Variants in LDHC observed in about 807,000 individuals in gnomAD.
The protein encoded by LDHC is lactate dehydrogenase C.
LDHC carries 20 observed loss-of-function variants against 30.2 expected under a neutral mutation model. The observed-to-expected ratio is 0.66, with a 90% CI of 0.47 to 0.96. The LOEUF (loss-of-function observed/expected upper bound fraction) is 0.96. LDHC is among the 40% of genes least tolerant of loss of function. The probability of loss-of-function intolerance (pLI) is 0.00; values close to 1 mark genes in which losing one functional copy is unlikely to be tolerated. For missense variants in LDHC, 362 were observed against 394.9 expected, an observed-to-expected ratio of 0.92 and a Z score of 0.71; for synonymous variants, 139 against 132.7, an observed-to-expected ratio of 1.05 and a Z score of -0.32.
Position 18,415,296 on chromosome 11 carries a change from G to T in LDHC, c.239G>T (p.Gly80Val). The T allele has an allele frequency of 1.3e-6, 2 of 1,493,276 alleles. No homozygotes were observed. The highest frequency in any genetic ancestry group is 1.9e-6 in the Non-Finnish European group (2 of 1,077,760). 92.5% of individuals were successfully genotyped at this position (1,493,276 alleles called of 1,614,324 possible). The part of the protein sequence containing the change: ...LFFSTSKITS[G>V]KDYSVSANSR... The stretch of plus-strand genomic sequence containing the variant: ...TTTAGTACTTCAAAGATTACTTCTG[G>T]AAAAGGTTAATTTTAGTTTTATAAA... Residue 80 changes from glycine (G) to valine (V), a missense_variant, in exon 3 of 8, where the codon GGA (glycine) becomes GTA (valine). Gly to Val is a moderately radical substitution (Grantham distance 109). Coordinates refer to ENST00000541669, the MANE Select transcript of LDHC (RefSeq NM_017448.5).
chr11:18,412,831 T>C lies in LDHC; in HGVS notation c.114T>C (p.Ser38=). The change falls in exon 2 of 8, where the codon AGT becomes AGC. Residue 38 remains serine, a synonymous_variant. Coordinates refer to ENST00000541669, the MANE Select transcript of LDHC (RefSeq NM_017448.5). ...TGAVGMACAI[S]ILLKDLADEL... ...CCGTAGGCATGGCTTGTGCTATTAG[T>C]ATCTTACTGAAGGTGAGTGAGAAGC... 1 of 1,613,486 alleles carries C rather than the reference T, an allele frequency of 6.2e-7. No individual in the cohort carries two copies. Among genetic ancestry groups the C allele is most frequent in the Non-Finnish European group, 8.5e-7 (1 of 1,179,670 alleles).
intron 7 of LDHC, among the ~76,000 whole-genome samples, chr11:18,449,543 A>C (rs1257952380): frequency 6.6e-6 from 1 of 151,798 alleles, no homozygotes; most frequent in African/African-American, 2.4e-5. Flanking sequence ...ACAGTCTGAA[A>C]AGACAGTGGC....
intron 4 of LDHC, among the ~76,000 whole-genome samples, chr11:18,433,556 T>G (rs1337894759): frequency 6.6e-6 from 1 of 152,210 alleles, no homozygotes; most frequent in Non-Finnish European, 1.5e-5. Context: ...TCATATATGA[T>G]TCTTAGTTTC....
intron 2 of LDHC, among the ~76,000 whole-genome samples, chr11:18,414,760 G>A (rs1022591493): frequency 5.9e-5 from 9 of 152,210 alleles, no homozygotes; most frequent in South Asian, 2.1e-4. Context: ...CCTGGGAGAC[G>A]GAGGTTGCAG....
chr11:18,421,039 T>C (rs1174274511), intron 3 of LDHC, among the ~76,000 whole-genome samples: 1 of 152,118 alleles, frequency 6.6e-6, no homozygotes, highest in African/African-American at 2.4e-5. Context: ...AATTTCTTTT[T>C]CTTTTTCAAA....
At chr11:18,427,076 G>A (rs189350675) in intron 3 of LDHC, among the ~76,000 whole-genome samples, 201 of 152,146 alleles carry the variant, frequency 1.3e-3, no homozygotes, top group Non-Finnish European at 2.5e-3. Flanking sequence ...GGCTATTAGC[G>A]GCTGGGCGTG....
At chr11:18,420,924 G>A (rs1273681727) in intron 3 of LDHC, among the ~76,000 whole-genome samples, 5 of 152,134 alleles carry the variant, frequency 3.3e-5, no homozygotes, top group Non-Finnish European at 7.4e-5. Flanking sequence ...CGGGCGAGGG[G>A]TGATAGTGAT....
chr11:18,418,580 C>T (rs1867064821), intron 3 of LDHC, among the ~76,000 whole-genome samples: 1 of 151,906 alleles, frequency 6.6e-6, no homozygotes. Context: ...CAGGTGCATA[C>T]CACCATGCCC....
chr11:18,451,157 G>A lies in LDHC; in HGVS notation c.*30G>A, dbSNP rs1848650370. The A allele has an allele frequency of 7.6e-7, 1 of 1,308,786 alleles. No individual in the cohort carries two copies. The highest frequency in any genetic ancestry group is 2.9e-5 in the Admixed American group (1 of 34,372). 81.1% of individuals were successfully genotyped at this position (1,308,786 alleles called of 1,614,324 possible). A position where few individuals can be genotyped will look rare whatever the true frequency, so the allele number is the denominator to read the frequency against. On this transcript the variant is annotated 3_prime_UTR_variant, in exon 8 of 8. Transcript: ENST00000541669. ...AAGCCTTCTAATGTTCCACTGTTTG[G>A]AGAACAGAAGATAGCAGGCTGTGTA...
At chr11:18,447,344 C>T (rs1848571717) in intron 7 of LDHC, among the ~76,000 whole-genome samples, 1 of 151,864 alleles carries the variant, frequency 6.6e-6, no homozygotes, top group South Asian at 2.1e-4. Context: ...ACTGTGTTAA[C>T]CAGGATGGTC....
chr11:18,415,854 C>T (rs950557927), intron 3 of LDHC, among the ~76,000 whole-genome samples: 24 of 151,812 alleles, frequency 1.6e-4, no homozygotes, highest in African/African-American at 3.9e-4. Flanking sequence ...TACCACACCC[C>T]GCTGATTTTT....
rs115364688 is a variant in LDHC at position 18,436,455 on chromosome 11, T to C, written c.592+1542T>C. On this transcript the variant is annotated intron_variant, in intron 5 of 7. Coordinates refer to ENST00000541669, the MANE Select transcript of LDHC (RefSeq NM_017448.5). ...TACTTGACCTCAGATGATAAATTTA[T>C]TTACTCTCCTTTGGGATAATACAAA... is the stretch of plus-strand genomic sequence containing the variant. Among the ~76,000 whole-genome samples, 541 of 151,578 alleles carry C rather than the reference T, an allele frequency of 3.6e-3. 7 individuals are homozygous for C. Among genetic ancestry groups the C allele is most frequent in the African/African-American group, 0.013 (524 of 41,396 alleles).
intron 3 of LDHC, among the ~76,000 whole-genome samples, chr11:18,416,140 A>G (rs76870085): frequency 0.012 from 1,841 of 152,352 alleles, 13 homozygotes; most frequent in Non-Finnish European, 0.019. Context: ...TGTTTTCTTT[A>G]CATAACTGAT....
intron 6 of LDHC, among the ~76,000 whole-genome samples, chr11:18,444,618 A>ATATATATATG (rs1848521661): frequency 2.1e-5 from 1 of 47,250 alleles, no homozygotes; most frequent in African/African-American, 1.0e-4. Flanking sequence ...ATATATATAT[A>ATATATATATG]TATATATATA....
intron 6 of LDHC, among the ~76,000 whole-genome samples, chr11:18,445,347 C>A (rs977011205): frequency 1.3e-5 from 2 of 152,110 alleles, no homozygotes; most frequent in African/African-American, 4.8e-5. Context: ...TACCACCACA[C>A]CTGGCTAAGT....
chr11:18,434,623 T>G, intron 4 of LDHC, 117 bp from the exon 5 acceptor site: 1 of 636,164 alleles, frequency 1.6e-6, no homozygotes, highest in East Asian at 2.7e-5. Context: ...AGTGATTTGC[T>G]TCACTTTGTA....
At chr11:18,443,271 G>T (rs1466829289) in intron 6 of LDHC, among the ~76,000 whole-genome samples, 1 of 151,956 alleles carries the variant, frequency 6.6e-6, no homozygotes, top group Non-Finnish European at 1.5e-5. Flanking sequence ...TAAATGCAGG[G>T]ATCTAACTGG....
chr11:18,435,256 T>A (rs982537746), intron 5 of LDHC, among the ~76,000 whole-genome samples: 1 of 152,110 alleles, frequency 6.6e-6, no homozygotes, highest in African/African-American at 2.4e-5. Flanking sequence ...AAATCTCATG[T>A]TGAATTGTAA....
chr11:18,444,649 T>TATATATGC (rs1848524581), intron 6 of LDHC, among the ~76,000 whole-genome samples: 1 of 129,732 alleles, frequency 7.7e-6, no homozygotes, highest in African/African-American at 2.8e-5. Context: ...TATATATATA[T>TATATATGC]GCCTTATCTT....
Sources: allele counts gnomAD v4.1 joint callset (sites outside exome capture counted in the v4.1 genomes callset), GRCh38; gene constraint gnomAD v4.1.1; transcripts MANE v1.5; gene names NCBI Gene and HGNC (gene_info 2026-07-23, HGNC 2026-07-21).